Variants in SYNE1 observed in about 807,000 individuals in gnomAD.
SYNE1 encodes nesprin-1.
In SYNE1, 616 loss-of-function variants were observed where a neutral mutation model predicts 1,111.0. The observed-to-expected ratio is 0.55, with a 90% CI of 0.52 to 0.59. The LOEUF (loss-of-function observed/expected upper bound fraction) is 0.59. Among genes scored for constraint, SYNE1 ranks in the 20% least tolerant of loss-of-function variants. The pLI is 0.00. For synonymous variants in SYNE1, 3,855 were observed against 3,825.8 expected (o/e 1.01, Z -0.28); for missense variants, 10,006 against 10,417.0 (o/e 0.96, Z 1.72).
intron 3 of SYNE1, among the ~76,000 whole-genome samples, chr6:152,626,483 T>C (rs1423767120): frequency 1.3e-5 from 2 of 152,124 alleles, no homozygotes; most frequent in African/African-American, 4.8e-5. Flanking sequence ...GACAGTGGAA[T>C]GGAACTCAAA....
intron 98 of SYNE1, among the ~76,000 whole-genome samples, chr6:152,272,069 T>C (rs1024310791): frequency 9.9e-5 from 15 of 152,248 alleles, no homozygotes; most frequent in African/African-American, 3.6e-4. Flanking sequence ...AACAACTTCC[T>C]CACTTTTATA....
intron 97 of SYNE1, among the ~76,000 whole-genome samples, chr6:152,279,154 T>C (rs937246946): frequency 1.4e-5 from 2 of 147,014 alleles, no homozygotes; most frequent in Non-Finnish European, 3.0e-5. Context: ...TTTCTTTTTT[T>C]TTTTTTTTTT....
chr6:152,138,556 TAAAA>T (rs768339078), intron 140 of SYNE1, among the ~76,000 whole-genome samples: 1 of 137,454 alleles, frequency 7.3e-6, no homozygotes, highest in Non-Finnish European at 1.6e-5. Context: ...AATAAATAAA[TAAAA>T]TAAAACAAAA....
In SYNE1 at chr6:152,323,500, C is replaced by A. The variant is rs780728291; in HGVS notation, c.15895G>T (p.Ala5299Ser). Residue 5299 changes from alanine (A) to serine (S), a missense_variant, in exon 82 of 146, where the codon GCC becomes TCC. This residue lies in a region of SYNE1 where 4,955 missense variants were observed against 5,017.2 expected (regional missense o/e 0.99). Transcript: ENST00000367255. ...TACTTCAGGCACCGATCTTGCATGG[C>A]GGTGATTTCCTGCATGAGCGGAGGC... ...EEPPLMQEIT[A>S]MQDRCLNMQE... 6 of 1,614,008 alleles carry A rather than the reference C, an allele frequency of 3.7e-6. No homozygotes were observed. Among genetic ancestry groups the A allele is most frequent in the East Asian group, 2.2e-5 (1 of 44,878 alleles).
intron 68 of SYNE1, 54 bp from the exon 69 acceptor site, chr6:152,353,487 T>C: frequency 6.2e-7 from 1 of 1,613,612 alleles, no homozygotes; most frequent in East Asian, 2.2e-5. Context: ...TGCCAGGGCC[T>C]TTGTTGATGA....
chr6:152,420,994 T>C (rs1042263797), intron 39 of SYNE1, among the ~76,000 whole-genome samples: 18 of 152,236 alleles, frequency 1.2e-4, no homozygotes, highest in Admixed American at 6.5e-5. Flanking sequence ...CAGGACACAA[T>C]TGGAAACATT....
chr6:152,257,022 G>T (rs2091015622), intron 101 of SYNE1, among the ~76,000 whole-genome samples: 1 of 151,876 alleles, frequency 6.6e-6, no homozygotes, highest in Non-Finnish European at 1.5e-5. Flanking sequence ...ATAAGTTCTG[G>T]TGTTCTATTA....
chr6:152,552,140 G>C (rs757540740), intron 3 of SYNE1, among the ~76,000 whole-genome samples: 15 of 152,094 alleles, frequency 9.9e-5, no homozygotes, highest in Non-Finnish European at 2.2e-4. Flanking sequence ...GGGGAAAAGG[G>C]GGGAGAAAAG....
chr6:152,430,439 A>AT, intron 35 of SYNE1, 43 bp downstream of exon 35: 1 of 1,533,022 alleles, frequency 6.5e-7, no homozygotes. Context: ...CACAAATACA[A>AT]TGTGAAATAT....
chr6:152,505,109 A>G (rs1453692879), intron 9 of SYNE1, 92 bp downstream of exon 9: 31 of 1,442,774 alleles, frequency 2.1e-5, no homozygotes, highest in Admixed American at 3.5e-5. Context: ...CTGGCCTCCA[A>G]TAGAATCTTG....
chr6:152,592,251 A>G (rs2099569061), intron 3 of SYNE1, among the ~76,000 whole-genome samples: 1 of 152,172 alleles, frequency 6.6e-6, no homozygotes, highest in Admixed American at 6.5e-5. Flanking sequence ...TCTACCAAAA[A>G]GACACATGCA....
intron 143 of SYNE1, 124 bp downstream of exon 143, chr6:152,133,152 G>A: frequency 1.1e-6 from 1 of 933,258 alleles, no homozygotes; most frequent in Non-Finnish European, 1.7e-6. Flanking sequence ...TAAGAGCAGT[G>A]GCTGAAAGGA....
chr6:152,198,841 G>C (rs576895982), intron 127 of SYNE1, among the ~76,000 whole-genome samples: 1 of 152,200 alleles, frequency 6.6e-6, no homozygotes, highest in African/African-American at 2.4e-5. Flanking sequence ...GTAGATCACT[G>C]TAACAAATAT....
At chr6:152,172,781 G>A (rs1375120491) in intron 130 of SYNE1, among the ~76,000 whole-genome samples, 1 of 152,136 alleles carries the variant, frequency 6.6e-6, no homozygotes, top group Non-Finnish European at 1.5e-5. Flanking sequence ...CAAGGGCTCA[G>A]AGGTACTTTA....
chr6:152,209,976 A>G (rs1249110885), intron 124 of SYNE1, among the ~76,000 whole-genome samples: 1 of 152,146 alleles, frequency 6.6e-6, no homozygotes, highest in African/African-American at 2.4e-5. Flanking sequence ...CCAGGTAACC[A>G]TCCAAGGCCT....
At chr6:152,631,096 T>C (rs1002867217) in intron 2 of SYNE1, among the ~76,000 whole-genome samples, 1 of 152,070 alleles carries the variant, frequency 6.6e-6, no homozygotes, top group African/African-American at 2.4e-5. Flanking sequence ...GAAAAGATAA[T>C]ACAAAAATAC....
intron 42 of SYNE1, among the ~76,000 whole-genome samples, chr6:152,412,441 A>G (rs1432954958): frequency 6.6e-6 from 1 of 151,602 alleles, no homozygotes; most frequent in African/African-American, 2.4e-5. Flanking sequence ...AAAAAAAAAA[A>G]TGAATCAGCT....
Position 152,330,580 on chromosome 6 carries a change from G to A in SYNE1, c.14105C>T (p.Thr4702Ile), listed in dbSNP as rs557343276. The part of the protein sequence containing the change: ...AQFLRMSKVP[T>I]DLAVEEALSL... ...AAGAGCCTCCTCAACGGCCAGGTCGGTGGGAACTTTGCTCATCCTCAAGAA... is the reference window on the plus strand; with the variant it reads ...AAGAGCCTCCTCAACGGCCAGGTCGATGGGAACTTTGCTCATCCTCAAGAA... Residue 4702 changes from threonine to isoleucine, a missense_variant, in exon 78 of 146, where the codon ACC becomes ATC. This residue lies in a region of SYNE1 where 4,955 missense variants were observed against 5,017.2 expected (regional missense o/e 0.99). Transcript: ENST00000367255. The A allele has an allele frequency of 1.9e-6, 3 of 1,613,836 alleles. No homozygotes were observed. Among genetic ancestry groups the A allele is most frequent in the African/African-American group, 1.3e-5 (1 of 75,046 alleles).
intron 3 of SYNE1, among the ~76,000 whole-genome samples, chr6:152,578,413 G>T (rs2099508636): frequency 6.6e-6 from 1 of 152,198 alleles, no homozygotes; most frequent in South Asian, 2.1e-4. Flanking sequence ...TGGCCAACAT[G>T]GTGAAATCCC....
Sources: allele counts gnomAD v4.1 joint callset (sites outside exome capture counted in the v4.1 genomes callset), GRCh38; gene constraint gnomAD v4.1.1; regional missense constraint gnomAD v4.1.1; transcripts MANE v1.5; gene names NCBI Gene and HGNC (gene_info 2026-07-23, HGNC 2026-07-21).